Variants in XRCC4 observed in about 807,000 individuals in gnomAD.
XRCC4 encodes the protein DNA repair protein XRCC4.
In XRCC4, 28 loss-of-function variants were observed where a neutral mutation model predicts 39.1. The ratio of observed to expected loss-of-function variants is 0.72; its 90% CI spans 0.53 to 0.98. The LOEUF is 0.98. Among genes scored for constraint, XRCC4 ranks in the 50% least tolerant of loss-of-function variants. The probability of loss-of-function intolerance (pLI) is 0.00; values close to 1 mark genes in which losing one functional copy is unlikely to be tolerated. For missense variants in XRCC4, 350 were observed against 376.4 expected (o/e 0.93, Z 0.58); for synonymous variants, 123 against 126.4 (o/e 0.97, Z 0.18).
At chr5:83,366,257 A>C in the XRCC4 span, among the ~76,000 whole-genome samples, 1 of 151,986 alleles carries the variant, frequency 6.6e-6, no homozygotes, top group Non-Finnish European at 1.5e-5. Flanking sequence ...GGACTTCCCA[A>C]CCTCCAGAAC....
chr5:83,304,372 A>T (rs1211353732), intron 7 of XRCC4, among the ~76,000 whole-genome samples: 2 of 151,994 alleles, frequency 1.3e-5, no homozygotes, highest in Non-Finnish European at 2.9e-5. Context: ...CTTCGTATTC[A>T]TCAGACTTGA....
At chr5:83,085,889 A>C (rs1308244896) in intron 1 of XRCC4, among the ~76,000 whole-genome samples, 1 of 152,210 alleles carries the variant, frequency 6.6e-6, no homozygotes, top group African/African-American at 2.4e-5. Flanking sequence ...TTCCCATCTG[A>C]ATATCACTGT....
At chr5:83,269,321 A>G (rs1754059331) in intron 7 of XRCC4, among the ~76,000 whole-genome samples, 1 of 151,992 alleles carries the variant, frequency 6.6e-6, no homozygotes, top group African/African-American at 2.4e-5. Flanking sequence ...ATAGCACCAA[A>G]CGAAAGAGAC....
intron 6 of XRCC4, among the ~76,000 whole-genome samples, chr5:83,206,452 G>A (rs1026083662): frequency 1.3e-5 from 2 of 152,020 alleles, no homozygotes; most frequent in Non-Finnish European, 2.9e-5. Flanking sequence ...GCTGATTGAT[G>A]GATTTAGCAA....
chr5:83,132,249 C>A (rs979190023), intron 3 of XRCC4, among the ~76,000 whole-genome samples: 1 of 151,994 alleles, frequency 6.6e-6, no homozygotes, highest in Non-Finnish European at 1.5e-5. Flanking sequence ...CTGAGAGATC[C>A]GCTGTTAGTC....
rs926480397 is a variant in XRCC4 at position 83,132,930 on chromosome 5, C to T, written c.315+21727C>T. On this transcript the variant is annotated intron_variant, in intron 3 of 7. Coordinates refer to ENST00000396027, the MANE Select transcript of XRCC4 (RefSeq NM_003401.5). Reference sequence around the variant, plus strand: ...CTGTCCAGCTTTGTTCCTTTGCTGACGAGGAGCTGCATTCCTTTGGAGGAG... The same window carrying T: ...CTGTCCAGCTTTGTTCCTTTGCTGATGAGGAGCTGCATTCCTTTGGAGGAG... Among the ~76,000 whole-genome samples, 10 of 152,206 alleles carry T rather than the reference C, an allele frequency of 6.6e-5. 1 individual carries two copies. In the East Asian group the frequency reaches 1.4e-3, roughly 21 times the overall value.
chr5:83,334,990 T>C (rs1340487777), intron 7 of XRCC4, among the ~76,000 whole-genome samples: 2 of 151,782 alleles, frequency 1.3e-5, no homozygotes, highest in African/African-American at 4.8e-5. Context: ...GATTCAACAC[T>C]CAAAATAAAT....
At chr5:83,242,122 A>G (rs1389261386) in intron 6 of XRCC4, among the ~76,000 whole-genome samples, 2 of 151,586 alleles carry the variant, frequency 1.3e-5, no homozygotes, top group Non-Finnish European at 2.9e-5. Context: ...GGATCCTCAC[A>G]GTTCAAATCC....
chr5:83,168,538 T>G (rs546303238), intron 3 of XRCC4, among the ~76,000 whole-genome samples: 1 of 152,324 alleles, frequency 6.6e-6, no homozygotes, highest in Non-Finnish European at 1.5e-5. Flanking sequence ...GAAGGATGGA[T>G]GGACAGAGAT....
chr5:83,334,057 G>A (rs570003153), intron 7 of XRCC4, among the ~76,000 whole-genome samples: 1 of 152,060 alleles, frequency 6.6e-6, no homozygotes, highest in East Asian at 1.9e-4. Context: ...CATGAGCCAC[G>A]GTGCCCAGCC....
At chr5:83,266,926 T>C (rs143532454) in intron 7 of XRCC4, among the ~76,000 whole-genome samples, 1,611 of 152,280 alleles carry the variant, frequency 0.011, 17 homozygotes, top group Non-Finnish European at 0.015. Context: ...TTTGTCTTTG[T>C]GTATGAATAG....
At chr5:83,134,237 C>T (rs763187033) in intron 3 of XRCC4, among the ~76,000 whole-genome samples, 16 of 152,210 alleles carry the variant, frequency 1.1e-4, no homozygotes, top group Middle Eastern at 3.4e-3. Flanking sequence ...CGCAAAGTCC[C>T]GCGGTGAGTG....
At chr5:83,263,142 A>G (rs1346762427) in intron 7 of XRCC4, among the ~76,000 whole-genome samples, 8 of 149,122 alleles carry the variant, frequency 5.4e-5, no homozygotes, top group South Asian at 2.1e-4. Flanking sequence ...ATGATTTCCA[A>G]TTTCATCCAT....
At chr5:83,103,023 T>TATATATATATATATATATATATATATAC (rs1561326975) in intron 1 of XRCC4, among the ~76,000 whole-genome samples, 1 of 144,254 alleles carries the variant, frequency 6.9e-6, no homozygotes, top group Non-Finnish European at 1.5e-5. Context: ...TATATATATA[T>TATATATATATATATATATATATATATAC]ATATATATGT....
chr5:83,134,067 C>T (rs1747753208), intron 3 of XRCC4, among the ~76,000 whole-genome samples: 1 of 152,208 alleles, frequency 6.6e-6, no homozygotes, highest in African/African-American at 2.4e-5. Flanking sequence ...TCCTTCTGGG[C>T]TTGATCGGAG....
At chr5:83,273,957 C>T (rs1459246103) in intron 7 of XRCC4, among the ~76,000 whole-genome samples, 2 of 151,768 alleles carry the variant, frequency 1.3e-5, no homozygotes, top group Admixed American at 6.6e-5. Flanking sequence ...GTTATCACTA[C>T]TTTTCTAGTT....
intron 3 of XRCC4, among the ~76,000 whole-genome samples, chr5:83,137,241 G>A (rs1228194099): frequency 3.3e-5 from 5 of 151,978 alleles, no homozygotes; most frequent in Admixed American, 2.0e-4. Context: ...TGGTTTAAAA[G>A]GGATATTTTA....
At chr5:83,115,324 G>A (rs1161186735) in intron 3 of XRCC4, among the ~76,000 whole-genome samples, 1 of 152,186 alleles carries the variant, frequency 6.6e-6, no homozygotes, top group Non-Finnish European at 1.5e-5. Flanking sequence ...CTACTTGGGA[G>A]GCTGAGGCAG....
intron 6 of XRCC4, among the ~76,000 whole-genome samples, chr5:83,228,702 A>T (rs983008144): frequency 3.9e-5 from 6 of 152,096 alleles, no homozygotes; most frequent in Non-Finnish European, 7.4e-5. Flanking sequence ...GGTAAATTTT[A>T]TTCACTAAAA....
Sources: allele counts gnomAD v4.1 joint callset (sites outside exome capture counted in the v4.1 genomes callset), GRCh38; gene constraint gnomAD v4.1.1; transcripts MANE v1.5; gene names NCBI Gene and HGNC (gene_info 2026-07-23, HGNC 2026-07-21).